HTRA2: variants seen among roughly 807,000 people sequenced by gnomAD.
HTRA2 encodes HtrA serine peptidase 2, also known as serine protease HTRA2, mitochondrial.
In HTRA2, 24 loss-of-function variants were observed where a neutral mutation model predicts 42.2. The ratio of observed to expected loss-of-function variants is 0.57; its 90% CI spans 0.41 to 0.80. The LOEUF (loss-of-function observed/expected upper bound fraction) is 0.80. Ranked by LOEUF, HTRA2 falls within the 30% of genes least tolerant of loss-of-function variation. HTRA2 has a pLI of 0.00. For missense variants in HTRA2, 466 were observed against 613.5 expected, an observed-to-expected ratio of 0.76 and a Z score of 2.54; for synonymous variants, 245 against 255.8, an observed-to-expected ratio of 0.96 and a Z score of 0.40.
In HTRA2 at chr2:74,533,084, G is replaced by T. The variant is rs902838783; in HGVS notation, c.*99G>T. ...GAGACAGAGGGTTAAATGAACCAGT[G>T]GGGGCAGGTCCCTCCAACCACCAGC... On this transcript the variant is annotated 3_prime_UTR_variant, in exon 8 of 8. Coordinates refer to ENST00000258080, the MANE Select transcript of HTRA2 (RefSeq NM_013247.5). The T allele has an allele frequency of 7.7e-6, 9 of 1,166,780 alleles. No individual in the cohort carries two copies. The highest frequency in any genetic ancestry group is 2.3e-5 in the East Asian group (1 of 42,556). 72.3% of individuals were successfully genotyped at this position (1,166,780 alleles called of 1,614,324 possible).
Position 74,532,863 on chromosome 2 carries a change from C to G in HTRA2, c.1255C>G (p.Gln419Glu). 6.2e-7 allele frequency: 1 copy of G among 1,614,066 alleles called. No homozygotes were observed. Among genetic ancestry groups the G allele is most frequent in the South Asian group, 1.1e-5 (1 of 91,078 alleles). The change falls in exon 8 of 8, where the codon CAG (glutamine) becomes GAG (glutamate). Residue 419 changes from glutamine to glutamate, a missense_variant. Physicochemically the swap from Gln to Glu is conservative, Grantham distance 29 (BLOSUM62 2). Coordinates refer to ENST00000258080, the MANE Select transcript of HTRA2 (RefSeq NM_013247.5). The part of the protein sequence containing the change: ...PGDVILAIGE[Q>E]MVQNAEDVYE... ...TGATGTGATTTTGGCCATTGGGGAG[C>G]AGATGGTACAAAATGCTGAAGATGT...
intron 6 of HTRA2, 183 bp from the exon 7 acceptor site, chr2:74,532,436 T>A (rs946655208): frequency 1.1e-5 from 7 of 652,792 alleles, no homozygotes; most frequent in Non-Finnish European, 2.0e-5. Context: ...GTGGTGTACA[T>A]CTTTTATGTA....
Position 74,530,993 on chromosome 2 carries a change from C to A in HTRA2, c.794C>A (p.Ala265Glu). ...EFVVAMGSPFALQNTITSGIV... is the reference protein window; with the variant it reads ...EFVVAMGSPFELQNTITSGIV... Reference sequence around the variant, plus strand: ...GTTGTTGCCATGGGAAGTCCCTTTGCACTGCAGAACACGATCACATCCGGC... The same window carrying A: ...GTTGTTGCCATGGGAAGTCCCTTTGAACTGCAGAACACGATCACATCCGGC... The change falls in exon 3 of 8, where the codon GCA (alanine) becomes GAA (glutamate). Residue 265 changes from alanine to glutamate, a missense_variant. Ala to Glu is a moderately radical substitution (Grantham distance 107). Transcript: ENST00000258080. This position sits in a 1 kb window ranked among gnomAD's most constrained non-coding sequence, Gnocchi z 7.4. 2.5e-6 allele frequency: 4 copies of A among 1,614,226 alleles called. No individual in the cohort carries two copies. Among genetic ancestry groups the A allele is most frequent in the Non-Finnish European group, 3.4e-6 (4 of 1,180,044 alleles).
chr2:74,530,035 C>A lies in HTRA2; in HGVS notation c.29C>A (p.Ala10Glu). 1 of 1,561,084 alleles carries A rather than the reference C, an allele frequency of 6.4e-7. No homozygotes were observed. The highest frequency in any genetic ancestry group is 1.2e-5 in the South Asian group (1 of 85,440). Residue 10 changes from alanine to glutamate, a missense_variant, in exon 1 of 8, where the codon GCA becomes GAA. This residue lies in a region of HTRA2 where 222 missense variants were observed against 205.1 expected (regional missense o/e 1.08). Transcript: ENST00000258080. The surrounding 1 kb of genome is among the most constrained non-coding windows in gnomAD (Gnocchi z 7.4). MAAPRAGRG[A>E]GWSLRAWRAL... ...GCTGCGCCGAGGGCGGGGCGGGGTG[C>A]AGGCTGGAGCCTTCGGGCATGGCGG... is the stretch of plus-strand genomic sequence containing the variant.
At chr2:74,529,785 C>G (rs1405682588), upstream of HTRA2, 5 of 1,450,652 alleles carry the variant, frequency 3.4e-6, no homozygotes, top group Non-Finnish European at 3.6e-6. Flanking sequence ...TCCCAGCATA[C>G]CCCGCGGCCC....
upstream of HTRA2, chr2:74,529,581 G>A (rs1366552010): frequency 1.9e-6 from 3 of 1,564,924 alleles, no homozygotes; most frequent in Non-Finnish European, 2.6e-6. Context: ...GTCTCTTACC[G>A]GTGCGAGTCA....
intron 6 of HTRA2, chr2:74,532,363 TTAG>T (rs568019941): frequency 2.4e-4 from 122 of 517,302 alleles, no homozygotes; most frequent in African/African-American, 1.9e-3. Context: ...AAAGCTTCTC[TTAG>T]TATTCTAGAA....
In HTRA2 at chr2:74,530,634, G is replaced by C; in HGVS notation, c.524G>C (p.Arg175Pro). 1.9e-6 allele frequency: 3 copies of C among 1,614,116 alleles called. No homozygotes were observed. The highest frequency in any genetic ancestry group is 2.5e-6 in the Non-Finnish European group (3 of 1,180,036). ...CATTTCAGGCACCCTTTCTTGGGCCGCGAGGTCCCTATCTCGAACGGCTCA... is the reference window on the plus strand; with the variant it reads ...CATTTCAGGCACCCTTTCTTGGGCCCCGAGGTCCCTATCTCGAACGGCTCA... ...EILDRHPFLGREVPISNGSGF... is the reference protein window; with the variant it reads ...EILDRHPFLGPEVPISNGSGF... The change falls in exon 2 of 8, where the codon CGC becomes CCC. Residue 175 changes from arginine to proline, a missense_variant. By Grantham distance (103) the Arg-to-Pro change is moderately radical. Transcript: ENST00000258080. The surrounding 1 kb of genome is among the most constrained non-coding windows in gnomAD (Gnocchi z 7.4).
chr2:74,530,959 G>A lies in HTRA2; in HGVS notation c.760G>A (p.Gly254Arg). ...GGGACGCTCAGCTGATGTCCGGCAA[G>A]GGGAGTTTGTTGTTGCCATGGGAAG... ...PLGRSADVRQ[G>R]EFVVAMGSPF... Residue 254 changes from glycine to arginine, a missense_variant, in exon 3 of 8, where the codon GGG (glycine) becomes AGG (arginine). This residue lies in a region of HTRA2 where 115 missense variants were observed against 245.4 expected (regional missense o/e 0.47). Coordinates refer to ENST00000258080, the MANE Select transcript of HTRA2 (RefSeq NM_013247.5). The surrounding 1 kb of genome is among the most constrained non-coding windows in gnomAD (Gnocchi z 7.4). The A allele has an allele frequency of 1.2e-6, 2 of 1,614,234 alleles. No individual in the cohort carries two copies. The highest frequency in any genetic ancestry group is 1.7e-6 in the Non-Finnish European group (2 of 1,180,044).
Position 74,533,245 on chromosome 2 carries a change from G to T in HTRA2, c.*260G>T. ...CCACCAAAAGGCTAGAGGTAAAGCT[G>T]TATCCCCCTAAACTTAGGGGAGATA... On this transcript the variant is annotated 3_prime_UTR_variant, in exon 8 of 8. Coordinates refer to ENST00000258080, the MANE Select transcript of HTRA2 (RefSeq NM_013247.5). The T allele has an allele frequency of 1.8e-6, 1 of 557,374 alleles. No individual in the cohort carries two copies. Among genetic ancestry groups the T allele is most frequent in the Non-Finnish European group, 3.2e-6 (1 of 313,524 alleles). 34.5% of individuals were successfully genotyped at this position (557,374 alleles called of 1,614,324 possible).
chr2:74,531,458 CAA>C (rs770994075), intron 4 of HTRA2, 87 bp downstream of exon 4: 9 of 1,606,194 alleles, frequency 5.6e-6, no homozygotes, highest in South Asian at 1.1e-5. Flanking sequence ...GATGTTTGGT[CAA>C]GTTTCTGAGC....
chr2:74,533,469 T>G, downstream of HTRA2: 1 of 716,538 alleles, frequency 1.4e-6, no homozygotes, highest in Non-Finnish European at 2.4e-6. Flanking sequence ...AACTTCTGCT[T>G]GACAGTTCCA....
intron 6 of HTRA2, chr2:74,532,284 T>C (rs1675667222): frequency 2.1e-6 from 1 of 478,726 alleles, no homozygotes; most frequent in Non-Finnish European, 3.8e-6. Flanking sequence ...TTTTTATTTA[T>C]GCTGTTCTTG....
intron 6 of HTRA2, 147 bp from the exon 7 acceptor site, chr2:74,532,472 C>CA: frequency 1.4e-6 from 1 of 704,364 alleles, no homozygotes; most frequent in East Asian, 2.7e-5. Context: ...TGCTAGAAGA[C>CA]AGAAAGTGAG....
Position 74,531,637 on chromosome 2 carries a change from C to T in HTRA2, c.980C>T (p.Ala327Val). The T allele has an allele frequency of 6.2e-7, 1 of 1,614,134 alleles. No homozygotes were observed. Among genetic ancestry groups the T allele is most frequent in the Non-Finnish European group, 8.5e-7 (1 of 1,180,028 alleles). The change falls in exon 5 of 8, where the codon GCT becomes GTT. Residue 327 changes from alanine (A) to valine (V), a missense_variant. By Grantham distance (64) the Ala-to-Val change is moderately conservative. Coordinates refer to ENST00000258080, the MANE Select transcript of HTRA2 (RefSeq NM_013247.5). ...GGAGTGAACACCATGAAGGTCACAGCTGGAATCTCCTTTGCCATCCCTTCT... is the reference window on the plus strand; with the variant it reads ...GGAGTGAACACCATGAAGGTCACAGTTGGAATCTCCTTTGCCATCCCTTCT... ...VIGVNTMKVT[A>V]GISFAIPSDR... is the part of the protein sequence containing the mutation.
downstream of HTRA2, chr2:74,533,425 A>G: frequency 1.7e-6 from 1 of 601,940 alleles, no homozygotes; most frequent in Non-Finnish European, 3.0e-6. Flanking sequence ...GCTTGGCTAC[A>G]GATACTGACA....
upstream of HTRA2, chr2:74,529,751 G>C (rs1305611892): frequency 2.0e-6 from 3 of 1,498,056 alleles, no homozygotes; most frequent in Non-Finnish European, 1.8e-6. Context: ...CCGAAGTCCT[G>C]AGGCGCGCCG....
rs1289069385 is a variant in HTRA2 at position 74,531,692 on chromosome 2, G to T, written c.1035G>T (p.Gly345=). The part of the protein sequence containing the change: ...SDRLREFLHR[G]EKKNSSSGIS... ...GTCTTCGAGAGTTTCTGCATCGTGG[G>T]GAAAAGAAGAGTGAGCCTGCCTTAT... Residue 345 remains glycine, a synonymous_variant, in exon 5 of 8, where the codon GGG becomes GGT. Transcript: ENST00000258080. 4 of 1,614,056 alleles carry T rather than the reference G, an allele frequency of 2.5e-6. No individual in the cohort carries two copies. Among genetic ancestry groups the T allele is most frequent in the Non-Finnish European group, 3.4e-6 (4 of 1,180,040 alleles).
chr2:74,529,708 G>A (rs1282491879), upstream of HTRA2: 4 of 1,533,354 alleles, frequency 2.6e-6, no homozygotes, highest in Non-Finnish European at 3.5e-6. Flanking sequence ...TGGGAAGGCG[G>A]AGTCTTTGGG....
Sources: gnomAD v4.1 joint callset for allele counts on GRCh38, gnomAD v4.1.1 for gene constraint, gnomAD v4.1.1 regional missense constraint, Gnocchi (gnomAD v3.1) non-coding constraint, MANE v1.5 for transcripts, NCBI Gene and HGNC (gene_info 2026-07-23, HGNC 2026-07-21) for gene names.